Variants in FXR2 observed in about 807,000 individuals in gnomAD.
FXR2 encodes the protein RNA-binding protein FXR2.
In FXR2, 9 loss-of-function variants were observed where a neutral mutation model predicts 87.3. The ratio of observed to expected loss-of-function variants is 0.10; its 90% CI spans 0.06 to 0.18. FXR2 has a LOEUF of 0.18. FXR2 is among the 10% of genes least tolerant of loss of function. FXR2 has a pLI of 1.00. For missense variants in FXR2, 661 were observed against 893.6 expected, an observed-to-expected ratio of 0.74 and a Z score of 3.32; for synonymous variants, 331 against 328.3, an observed-to-expected ratio of 1.01 and a Z score of -0.09.
intron 1 of FXR2, among the ~76,000 whole-genome samples, chr17:7,611,660 C>G (rs2071865964): frequency 6.6e-6 from 1 of 151,606 alleles, no homozygotes; most frequent in Non-Finnish European, 1.5e-5. Context: ...AGAGGGAGAC[C>G]CTGTCTCAAA....
chr17:7,614,266 G>A (rs968599205), intron 1 of FXR2, among the ~76,000 whole-genome samples, 186 bp downstream of exon 1: 1 of 152,100 alleles, frequency 6.6e-6, no homozygotes, highest in Admixed American at 6.5e-5. Flanking sequence ...CCTTAGAGGG[G>A]TCAAAAATAA....
chr17:7,593,449 G>A lies in FXR2; in HGVS notation c.1284C>T (p.Ser428=). 2 of 1,589,106 alleles carry A rather than the reference G, an allele frequency of 1.3e-6. No individual in the cohort carries two copies. Among genetic ancestry groups the A allele is most frequent in the East Asian group, 2.3e-5 (1 of 43,742 alleles). Reference sequence around the variant, plus strand: ...TCCGGCCACGGCCACGGCCCCCATAGCTGCCCCCATAGGTTCGAGTCGCAT... The same window carrying A: ...TCCGGCCACGGCCACGGCCCCCATAACTGCCCCCATAGGTTCGAGTCGCAT... ...SLHATRTYGG[S]YGGRGRGRRT... Residue 428 remains serine (S), a synonymous_variant, in exon 12 of 17, where the codon AGC becomes AGT. Transcript: ENST00000250113. The surrounding 1 kb of genome is among the most constrained non-coding windows in gnomAD (Gnocchi z 6.1).
At chr17:7,599,602 C>T (rs1232715796) in intron 7 of FXR2, among the ~76,000 whole-genome samples, 5 of 152,148 alleles carry the variant, frequency 3.3e-5, no homozygotes, top group South Asian at 2.1e-4. Flanking sequence ...TCAGGCCAGG[C>T]GTGGTGGCTG....
At position 7,593,944 on chromosome 17, in the gene FXR2, G is replaced by A. The variant is rs772808608; in HGVS notation, c.1081C>T (p.Leu361=). The change falls in exon 11 of 17, where the codon CTG becomes TTG. Residue 361 remains leucine, a synonymous_variant. Transcript: ENST00000250113. This position sits in a 1 kb window ranked among gnomAD's most constrained non-coding sequence, Gnocchi z 6.1. The part of the protein sequence containing the change: ...RENISNAQAL[L]EYHLSYLQEV... ...TGCAGGTAGGAGAGGTGATACTCCA[G>A]CAAAGCCTGGGCATTGCTGATGTTC... is the stretch of plus-strand genomic sequence containing the variant. 4 of 1,610,988 alleles carry A rather than the reference G, an allele frequency of 2.5e-6. No homozygotes were observed. In the South Asian group the frequency reaches 4.4e-5, roughly 18 times the overall value.
At chr17:7,614,222 C>T (rs1056603608) in intron 1 of FXR2, 1 of 685,144 alleles carries the variant, frequency 1.5e-6, no homozygotes, top group South Asian at 1.5e-5. Context: ...GAAGTTCATT[C>T]TCCCGGAGAT....
rs754709851 is a variant in FXR2 at position 7,592,429 on chromosome 17, C to T, written c.1825+75G>A. 6.4e-7 allele frequency: 1 copy of T among 1,554,938 alleles called. No homozygotes were observed. Among genetic ancestry groups the T allele is most frequent in the Non-Finnish European group, 8.9e-7 (1 of 1,126,208 alleles). ...CCTAAGACACCCACTGAACCCGAACCCCTGATTTTCACAGGGGTGAGCATC... is the reference window on the plus strand; with the variant it reads ...CCTAAGACACCCACTGAACCCGAACTCCTGATTTTCACAGGGGTGAGCATC... On this transcript the variant is annotated intron_variant, in intron 15 of 16. Coordinates refer to ENST00000250113, the MANE Select transcript of FXR2 (RefSeq NM_004860.4). This position sits in a 1 kb window ranked among gnomAD's most constrained non-coding sequence, Gnocchi z 4.8.
chr17:7,599,913 T>C (rs1413817010), intron 7 of FXR2, among the ~76,000 whole-genome samples: 17 of 152,210 alleles, frequency 1.1e-4, no homozygotes, highest in Admixed American at 1.1e-3. Flanking sequence ...CTTTTTTTCT[T>C]TGAGATGGAG....
At chr17:7,604,721 CTTT>C (rs202152843) in intron 3 of FXR2, among the ~76,000 whole-genome samples, 9 of 130,492 alleles carry the variant, frequency 6.9e-5, no homozygotes, top group Admixed American at 1.5e-4. Flanking sequence ...TGGGATGCAT[CTTT>C]TTTTTTTTTT....
chr17:7,607,032 G>C (rs1008605310), intron 1 of FXR2, among the ~76,000 whole-genome samples: 3 of 152,004 alleles, frequency 2.0e-5, no homozygotes, highest in Non-Finnish European at 4.4e-5. Flanking sequence ...AGAAATCTTT[G>C]CCCAGGCCAG....
At chr17:7,606,391 C>T (rs895279876) in intron 1 of FXR2, among the ~76,000 whole-genome samples, 11 of 152,120 alleles carry the variant, frequency 7.2e-5, no homozygotes, top group Non-Finnish European at 1.6e-4. Flanking sequence ...GCCTGGAAAC[C>T]AATGATCTAC....
Position 7,605,683 on chromosome 17 carries a change from C to T in FXR2, c.190G>A (p.Asp64Asn), listed in dbSNP as rs762613400. ...CCTTCTGTGATCTCCTTATTATAGTCAGCTGGAGGTGGTAGCCGGACATCC... is the reference window on the plus strand; with the variant it reads ...CCTTCTGTGATCTCCTTATTATAGTTAGCTGGAGGTGGTAGCCGGACATCC... ...FGDVRLPPPA[D>N]YNKEITEGDE... is the part of the protein sequence containing the mutation. The change falls in exon 3 of 17, where the codon GAC becomes AAC. Residue 64 changes from aspartate to asparagine, a missense_variant. Coordinates refer to ENST00000250113, the MANE Select transcript of FXR2 (RefSeq NM_004860.4). The T allele has an allele frequency of 4.5e-5, 72 of 1,595,714 alleles. No homozygotes were observed. In the Admixed American group the frequency reaches 1.2e-3, roughly 27 times the overall value.
rs914112706 is a variant in FXR2, at chr17:7,591,641, G to C, written c.*189C>G. On this transcript the variant is annotated 3_prime_UTR_variant, in exon 17 of 17. Transcript: ENST00000250113. The surrounding 1 kb of genome is among the most constrained non-coding windows in gnomAD (Gnocchi z 4.0). ...CTTACCCTGGGGGTAGGGTGGACAA[G>C]AGGGAGGGGGTATGACCCTGTTACA... 3.3e-6 allele frequency: 2 copies of C among 609,222 alleles called. No homozygotes were observed. The highest frequency in any genetic ancestry group is 5.9e-6 in the Non-Finnish European group (2 of 337,604). The allele number at this position is 609,222 out of a possible 1,614,324, so 37.7% of individuals were successfully genotyped here.
At chr17:7,606,025 C>T in intron 2 of FXR2, 72 bp downstream of exon 2, 3 of 1,005,436 alleles carry the variant, frequency 3.0e-6, no homozygotes, top group Non-Finnish European at 4.6e-6. Context: ...CCTCATAGGA[C>T]TCAGCTGCCC....
chr17:7,598,175 G>A (rs1001282002), intron 7 of FXR2, among the ~76,000 whole-genome samples: 1 of 152,136 alleles, frequency 6.6e-6, no homozygotes, highest in African/African-American at 2.4e-5. Flanking sequence ...TTTCGGCCGG[G>A]CACAGTGGCT....
At chr17:7,610,414 T>C (rs79954723) in intron 1 of FXR2, among the ~76,000 whole-genome samples, 1,677 of 152,264 alleles carry the variant, frequency 0.011, 29 homozygotes, top group African/African-American at 0.038. Flanking sequence ...TCCTCCACCA[T>C]GTTAGGCTTG....
chr17:7,600,169 G>C (rs1309170987), intron 7 of FXR2, among the ~76,000 whole-genome samples: 1 of 151,656 alleles, frequency 6.6e-6, no homozygotes, highest in East Asian at 2.0e-4. Flanking sequence ...AAAGTGCTGG[G>C]ATTACAGACG....
chr17:7,595,758 T>A lies in FXR2; in HGVS notation c.831+66A>T. 1 of 1,362,712 alleles carries A rather than the reference T, an allele frequency of 7.3e-7. No homozygotes were observed. The highest frequency in any genetic ancestry group is 1.9e-5 in the Admixed American group (1 of 52,890). The allele number at this position is 1,362,712 out of a possible 1,614,324, so 84.4% of individuals were successfully genotyped here. A position where few individuals can be genotyped will look rare whatever the true frequency, so the allele number is the denominator to read the frequency against. On this transcript the variant is annotated intron_variant, in intron 8 of 16. Transcript: ENST00000250113. The surrounding 1 kb of genome is among the most constrained non-coding windows in gnomAD (Gnocchi z 4.7). Reference sequence around the variant, plus strand: ...CCACTGTGCCCAGTTTGAGGCTTATTTTCTACTTCGGCCTCTCTTCCCTCT... The same window carrying A: ...CCACTGTGCCCAGTTTGAGGCTTATATTCTACTTCGGCCTCTCTTCCCTCT...
intron 1 of FXR2, among the ~76,000 whole-genome samples, chr17:7,606,393 A>G (rs1423341046): frequency 1.3e-5 from 2 of 152,172 alleles, no homozygotes; most frequent in Non-Finnish European, 2.9e-5. Context: ...CTGGAAACCA[A>G]TGATCTACTC....
At chr17:7,603,625 C>T (rs757214923) in intron 5 of FXR2, 132 bp downstream of exon 5, 29 of 709,828 alleles carry the variant, frequency 4.1e-5, no homozygotes, top group Admixed American at 1.4e-4. Flanking sequence ...GTCTTCTTAG[C>T]AAGAAGGGCT....
Sources: gnomAD v4.1 joint callset for allele counts (sites outside exome capture counted in the v4.1 genomes callset) on GRCh38, gnomAD v4.1.1 for gene constraint, Gnocchi (gnomAD v3.1) non-coding constraint, MANE v1.5 for transcripts, NCBI Gene and HGNC (gene_info 2026-07-23, HGNC 2026-07-21) for gene names.